Variants in TFDP2 observed in about 807,000 individuals in gnomAD.
The protein encoded by TFDP2 is transcription factor Dp-2 (E2F dimerization partner 2).
Under a neutral mutation model 59.3 loss-of-function variants are expected in TFDP2, and 17 were observed. The ratio of observed to expected loss-of-function variants is 0.29; its 90% CI spans 0.20 to 0.43. The LOEUF is 0.43. TFDP2 is among the 20% of genes least tolerant of loss of function. TFDP2 has a pLI of 1.00. For synonymous variants in TFDP2, 180 were observed against 194.7 expected, an observed-to-expected ratio of 0.92 and a Z score of 0.63; for missense variants, 391 against 528.8, an observed-to-expected ratio of 0.74 and a Z score of 2.56.
At chr3:142,074,301 C>CA (rs1258189530) in intron 3 of TFDP2, among the ~76,000 whole-genome samples, 3 of 151,814 alleles carry the variant, frequency 2.0e-5, no homozygotes, top group Non-Finnish European at 2.9e-5. Context: ...CCCATCTACT[C>CA]AGGAGGCTGA....
chr3:141,988,231 C>T (rs1394402193), intron 6 of TFDP2, among the ~76,000 whole-genome samples: 1 of 152,200 alleles, frequency 6.6e-6, no homozygotes, highest in Non-Finnish European at 1.5e-5. Flanking sequence ...CAGGCGTGAG[C>T]CACCGTGCCT....
intron 3 of TFDP2, among the ~76,000 whole-genome samples, chr3:142,092,442 C>T (rs1300096410): frequency 6.6e-6 from 1 of 152,102 alleles, no homozygotes; most frequent in Non-Finnish European, 1.5e-5. Flanking sequence ...TCCTCCTACA[C>T]TGGCCTCCTG....
At chr3:141,965,572 AG>A (rs1317150102) in intron 9 of TFDP2, among the ~76,000 whole-genome samples, 28 of 130,334 alleles carry the variant, frequency 2.1e-4, no homozygotes, top group African/African-American at 8.0e-4. Context: ...GGGAAGGGGA[AG>A]GGGAAGGGGA....
At chr3:142,004,984 G>A (rs1944101002) in intron 4 of TFDP2, among the ~76,000 whole-genome samples, 1 of 152,182 alleles carries the variant, frequency 6.6e-6, no homozygotes, top group Admixed American at 6.5e-5. Flanking sequence ...AACTTGACCA[G>A]ATACATTCAG....
intron 1 of TFDP2, among the ~76,000 whole-genome samples, chr3:142,139,166 T>C (rs1281108271): frequency 1.3e-5 from 2 of 152,222 alleles, no homozygotes; most frequent in African/African-American, 4.8e-5. Context: ...AAGTCTGTTT[T>C]ATCAGAGACT....
At chr3:142,050,280 TA>T (rs1414121265) in intron 3 of TFDP2, among the ~76,000 whole-genome samples, 1 of 148,530 alleles carries the variant, frequency 6.7e-6, no homozygotes, top group South Asian at 2.1e-4. Context: ...AAAAAAATAA[TA>T]AAAAAAAAAG....
chr3:142,139,790 G>T (rs1384234887), intron 1 of TFDP2, among the ~76,000 whole-genome samples: 1 of 152,148 alleles, frequency 6.6e-6, no homozygotes, highest in East Asian at 1.9e-4. Context: ...CTCTCTGGCT[G>T]TCCTTAACAC....
chr3:141,973,125 T>TA (rs1559951924), intron 8 of TFDP2, among the ~76,000 whole-genome samples: 807 of 69,714 alleles, frequency 0.012, 4 homozygotes, highest in Non-Finnish European at 0.016. Flanking sequence ...ATATATATAT[T>TA]TTTTTTTTTT....
intron 3 of TFDP2, among the ~76,000 whole-genome samples, chr3:142,016,237 G>A (rs966743841): frequency 2.0e-5 from 3 of 148,462 alleles, no homozygotes; most frequent in East Asian, 2.0e-4. Flanking sequence ...TCCTGATCTC[G>A]TGATCCACCC....
chr3:142,072,325 G>T (rs2060275270), intron 3 of TFDP2, among the ~76,000 whole-genome samples: 1 of 152,180 alleles, frequency 6.6e-6, no homozygotes, highest in Non-Finnish European at 1.5e-5. Flanking sequence ...ACATTTGGCT[G>T]GGTGTAAGAA....
At chr3:142,040,972 T>C (rs1418216262) in intron 3 of TFDP2, among the ~76,000 whole-genome samples, 1 of 152,212 alleles carries the variant, frequency 6.6e-6, no homozygotes, top group Non-Finnish European at 1.5e-5. Flanking sequence ...CTGTATTTGA[T>C]AATTTCCTGG....
chr3:142,015,173 A>G (rs892596578), intron 3 of TFDP2, among the ~76,000 whole-genome samples: 1 of 152,072 alleles, frequency 6.6e-6, no homozygotes, highest in African/African-American at 2.4e-5. Context: ...AACATTTGGG[A>G]GCCCCTTAGC....
intron 2 of TFDP2, among the ~76,000 whole-genome samples, chr3:142,093,378 G>C (rs2061059611): frequency 6.6e-6 from 1 of 152,026 alleles, no homozygotes. Flanking sequence ...GAGCCTGGGA[G>C]GCAGAGGTGT....
rs559801654 is a variant in TFDP2 at position 141,946,180 on chromosome 3, G to A, written c.*6333C>T. 1 of 152,396 alleles carries A rather than the reference G, an allele frequency of 6.6e-6. No homozygotes were observed. Among genetic ancestry groups the A allele is most frequent in the East Asian group, 1.9e-4 (1 of 5,182 alleles). 9.4% of individuals were successfully genotyped at this position (152,396 alleles called of 1,614,324 possible). A position where few individuals can be genotyped will look rare whatever the true frequency, so the allele number is the denominator to read the frequency against. ...AGGCTCTGCCACAGACAGGCTGAGG[G>A]ATGGGAGGCAAGTCAAGCTCTTGCT... On this transcript the variant is annotated 3_prime_UTR_variant, in exon 13 of 13. Coordinates refer to ENST00000489671, the MANE Select transcript of TFDP2 (RefSeq NM_001178139.2).
intron 1 of TFDP2, among the ~76,000 whole-genome samples, chr3:142,139,562 G>C (rs2062860664): frequency 6.6e-6 from 1 of 152,050 alleles, no homozygotes; most frequent in Admixed American, 6.6e-5. Flanking sequence ...GGCAGGCCTG[G>C]TGGTGAAAAA....
chr3:141,993,506 C>G, intron 6 of TFDP2, 32 bp downstream of exon 6: 1 of 1,481,866 alleles, frequency 6.7e-7, no homozygotes, highest in South Asian at 1.3e-5. Flanking sequence ...ATAGCCAAAT[C>G]TTCCAAACAA....
chr3:142,021,991 T>C (rs1046517794), intron 3 of TFDP2, among the ~76,000 whole-genome samples: 9 of 152,260 alleles, frequency 5.9e-5, no homozygotes, highest in African/African-American at 2.2e-4. Flanking sequence ...TCTGTTAGCA[T>C]ATTCAGTCAA....
chr3:141,966,541 A>T (rs1363622129), intron 9 of TFDP2, among the ~76,000 whole-genome samples: 3 of 151,878 alleles, frequency 2.0e-5, no homozygotes, highest in African/African-American at 7.3e-5. Context: ...TAGTAAAAGG[A>T]AAAATAATTC....
intron 1 of TFDP2, among the ~76,000 whole-genome samples, chr3:142,103,943 C>T (rs1248807010): frequency 1.3e-5 from 2 of 151,720 alleles, no homozygotes; most frequent in African/African-American, 4.9e-5. Context: ...CATAGGTATA[C>T]ATAGGTATAC....
Sources: allele counts gnomAD v4.1 joint callset (sites outside exome capture counted in the v4.1 genomes callset), GRCh38; gene constraint gnomAD v4.1.1; transcripts MANE v1.5; gene names NCBI Gene and HGNC (gene_info 2026-07-23, HGNC 2026-07-21).